The following ADGRV1 variants were observed in gnomAD, a reference collection of about 807,000 sequenced individuals.
The protein encoded by ADGRV1 is adhesion G protein-coupled receptor V1, also known as G-protein coupled receptor 98.
A neutral mutation model predicts 596.2 loss-of-function variants in ADGRV1; 359 were observed. The observed-to-expected ratio is 0.60, with a 90% confidence interval of 0.55 to 0.66. The LOEUF is 0.66. Among genes scored for constraint, ADGRV1 ranks in the 30% least tolerant of loss-of-function variants. The probability of loss-of-function intolerance (pLI) is 0.00; values close to 1 mark genes in which losing one functional copy is unlikely to be tolerated. For synonymous variants in ADGRV1, 2,681 were observed against 2,679.2 expected (o/e 1.00, Z -0.02); for missense variants, 7,274 against 7,575.6 (o/e 0.96, Z 1.48).
At chr5:90,565,851 A>G (rs1378484873) in intron 1 of ADGRV1, among the ~76,000 whole-genome samples, 1 of 152,068 alleles carries the variant, frequency 6.6e-6, no homozygotes, top group African/African-American at 2.4e-5. Flanking sequence ...TATGTTAACC[A>G]TCCTATTCGG....
intron 86 of ADGRV1, among the ~76,000 whole-genome samples, chr5:91,101,651 G>A (rs1274511155): frequency 6.6e-6 from 1 of 152,180 alleles, no homozygotes; most frequent in African/African-American, 2.4e-5. Context: ...ATTAGAACAT[G>A]TGTAGAATAA....
At chr5:91,035,983 G>A (rs936797940) in intron 85 of ADGRV1, among the ~76,000 whole-genome samples, 1 of 149,248 alleles carries the variant, frequency 6.7e-6, no homozygotes, top group African/African-American at 2.5e-5. Flanking sequence ...ATGAGATAAA[G>A]GAAGCTTGAC....
rs1023274701 is a variant in ADGRV1, at chr5:90,755,035, G to T, written c.11430G>T (p.Gly3810=). Residue 3810 remains glycine (G), a synonymous_variant, in exon 55 of 90, where the codon GGG becomes GGT. Coordinates refer to ENST00000405460, the MANE Select transcript of ADGRV1 (RefSeq NM_032119.4). ...TAGCTCGAGATAAAGGACTACTTGG[G>T]GATATTGCCATTCACTTGAGAGCTC... ...LQIARDKGLL[G]DIAIHLRAQP... 1.2e-6 allele frequency: 2 copies of T among 1,613,342 alleles called. No individual in the cohort carries two copies. Among genetic ancestry groups the T allele is most frequent in the Non-Finnish European group, 1.7e-6 (2 of 1,179,408 alleles).
At chr5:90,847,853 C>T (rs570566423) in intron 78 of ADGRV1, among the ~76,000 whole-genome samples, 21 of 152,154 alleles carry the variant, frequency 1.4e-4, no homozygotes, top group African/African-American at 4.8e-4. Flanking sequence ...CCACACCTCC[C>T]TGCAAGCTGA....
chr5:90,982,386 T>A (rs1202675887), intron 84 of ADGRV1, among the ~76,000 whole-genome samples: 1 of 152,172 alleles, frequency 6.6e-6, no homozygotes, highest in African/African-American at 2.4e-5. Context: ...CTCCACCATC[T>A]TCTTTTGGTT....
chr5:90,585,776 G>T (rs1313795172), intron 1 of ADGRV1, among the ~76,000 whole-genome samples: 1 of 152,240 alleles, frequency 6.6e-6, no homozygotes, highest in Non-Finnish European at 1.5e-5. Context: ...TGAGACCTCT[G>T]TAGAGACTTA....
rs1760818751 is a variant in ADGRV1, at chr5:90,597,335, G to A, written c.23-17500G>A. Reference sequence around the variant, plus strand: ...TAGATTTTGGAAATATTGAATAAAAGTTGTATTCTTTTAGGCCTACTTAGG... The same window carrying A: ...TAGATTTTGGAAATATTGAATAAAAATTGTATTCTTTTAGGCCTACTTAGG... On this transcript the variant is annotated intron_variant, in intron 1 of 89. Transcript: ENST00000405460. 4.6e-5 allele frequency among the ~76,000 whole-genome samples: 7 copies of A among 152,184 alleles called. No individual in the cohort carries two copies. The South Asian group carries it at 1.4e-3, about 31-fold the overall frequency.
intron 3 of ADGRV1, among the ~76,000 whole-genome samples, chr5:90,618,430 A>G (rs934842616): frequency 1.3e-5 from 2 of 152,216 alleles, no homozygotes; most frequent in Non-Finnish European, 1.5e-5. Flanking sequence ...AGGTTGAGGC[A>G]ATGACTCGCT....
intron 25 of ADGRV1, among the ~76,000 whole-genome samples, chr5:90,678,005 C>G (rs749590084): frequency 6.6e-6 from 1 of 152,144 alleles, no homozygotes; most frequent in Non-Finnish European, 1.5e-5. Flanking sequence ...AGATGTCTTA[C>G]GCTAGCCAAA....
At chr5:90,673,277 T>C (rs1452703854) in intron 22 of ADGRV1, among the ~76,000 whole-genome samples, 1 of 152,240 alleles carries the variant, frequency 6.6e-6, no homozygotes, top group Admixed American at 6.5e-5. Context: ...TTGCCCTTGC[T>C]TCTTATCCTA....
intron 30 of ADGRV1, 151 bp from the exon 31 acceptor site, chr5:90,690,646 T>A (rs1746346975): frequency 2.6e-6 from 2 of 776,934 alleles, no homozygotes; most frequent in African/African-American, 3.5e-5. Flanking sequence ...CAGACCAATT[T>A]GTATCACAGC....
intron 68 of ADGRV1, among the ~76,000 whole-genome samples, chr5:90,789,176 G>C (rs1448422728): frequency 2.6e-5 from 4 of 152,114 alleles, no homozygotes; most frequent in Admixed American, 2.6e-4. Flanking sequence ...TCACATTCTT[G>C]AGGGTGATCT....
intron 83 of ADGRV1, among the ~76,000 whole-genome samples, chr5:90,903,912 C>A (rs1772079154): frequency 6.6e-6 from 1 of 151,924 alleles, no homozygotes; most frequent in Non-Finnish European, 1.5e-5. Context: ...TCTGTCCAAC[C>A]CCCAACTACC....
At position 90,711,183 on chromosome 5, in the gene ADGRV1, G is replaced by C; in HGVS notation, c.8904-1G>C. Reference sequence around the variant, plus strand: ...GTTTTTGTTTTTTTGCTATATTATAGGTTTGAAGTAAATGAAACCCATGGA... The same window carrying C: ...GTTTTTGTTTTTTTGCTATATTATACGTTTGAAGTAAATGAAACCCATGGA... On this transcript the variant is annotated splice_acceptor_variant, in intron 40 of 89. Transcript: ENST00000405460. LOFTEE classifies it high-confidence loss of function. 1 of 1,609,212 alleles carries C rather than the reference G, an allele frequency of 6.2e-7. No individual in the cohort carries two copies. The highest frequency in any genetic ancestry group is 8.5e-7 in the Non-Finnish European group (1 of 1,177,790).
chr5:90,665,983 T>TATC (rs1262112113), intron 21 of ADGRV1, among the ~76,000 whole-genome samples: 2 of 150,950 alleles, frequency 1.3e-5, no homozygotes, highest in Non-Finnish European at 2.9e-5. Context: ...GAGAGATAGT[T>TATC]TGTTATAATC....
intron 85 of ADGRV1, among the ~76,000 whole-genome samples, chr5:91,040,907 A>C (rs1242934956): frequency 6.6e-6 from 1 of 152,202 alleles, no homozygotes; most frequent in East Asian, 1.9e-4. Flanking sequence ...AATAGAATTT[A>C]GGTTCAGTAA....
chr5:91,132,610 G>A (rs768469635), intron 87 of ADGRV1, among the ~76,000 whole-genome samples: 24 of 152,338 alleles, frequency 1.6e-4, no homozygotes, highest in South Asian at 1.4e-3. Flanking sequence ...AGTATGGGGT[G>A]TTGTGAATGC....
At chr5:90,971,206 G>A (rs1195489483) in intron 84 of ADGRV1, among the ~76,000 whole-genome samples, 1 of 152,182 alleles carries the variant, frequency 6.6e-6, no homozygotes, top group Non-Finnish European at 1.5e-5. Context: ...TATGTGAAAA[G>A]ACCAAATCTA....
rs7711338 is a variant in ADGRV1, at chr5:90,823,277, A to T, written c.16197-148A>T. The T allele has an allele frequency of 1.8e-3, 1,362 of 767,676 alleles. 9 individuals are homozygous for T. The African/African-American group carries it at 0.018, about 10-fold the overall frequency. The allele number at this position is 767,676 out of a possible 1,614,324, so 47.6% of individuals were successfully genotyped here. On this transcript the variant is annotated intron_variant, in intron 75 of 89. Transcript: ENST00000405460. ...AGGAAAATTGGTCATTTTCTGCATCATCAGTGGTAAAGTAAGTGCTATACT... is the reference window on the plus strand; with the variant it reads ...AGGAAAATTGGTCATTTTCTGCATCTTCAGTGGTAAAGTAAGTGCTATACT...
Sources: gnomAD v4.1 joint callset for allele counts (sites outside exome capture counted in the v4.1 genomes callset) on GRCh38, gnomAD v4.1.1 for gene constraint, MANE v1.5 for transcripts, NCBI Gene and HGNC (gene_info 2026-07-23, HGNC 2026-07-21) for gene names.